The following TFDP1 variants were observed in gnomAD, a reference collection of about 807,000 sequenced individuals.
The protein encoded by TFDP1 is DRTF1-polypeptide 1.
In TFDP1, 6 loss-of-function variants were observed where a neutral mutation model predicts 48.0. The observed-to-expected ratio is 0.13, with a 90% CI of 0.07 to 0.25. The LOEUF is 0.25. Ranked by LOEUF, TFDP1 falls within the 10% of genes least tolerant of loss-of-function variation. The probability of loss-of-function intolerance (pLI) is 1.00; values close to 1 mark genes in which losing one functional copy is unlikely to be tolerated. For missense variants in TFDP1, 335 were observed against 543.0 expected (o/e 0.62, Z 3.81); for synonymous variants, 201 against 211.6 (o/e 0.95, Z 0.44).
intron 9 of TFDP1, 150 bp from the exon 10 acceptor site, chr13:113,636,384 A>T: frequency 9.8e-7 from 1 of 1,020,068 alleles, no homozygotes; most frequent in East Asian, 2.4e-5. Flanking sequence ...CATTTACTTC[A>T]GAGTTTATAA....
At chr13:113,637,564 C>A (rs2049524340) in intron 10 of TFDP1, 2 of 1,473,746 alleles carry the variant, frequency 1.4e-6, no homozygotes, top group East Asian at 5.4e-5. Context: ...ACACGTGTGC[C>A]GTTTGTAAGT....
intron 2 of TFDP1, among the ~76,000 whole-genome samples, chr13:113,600,910 A>G (rs1432391032): frequency 6.6e-6 from 1 of 151,240 alleles, no homozygotes; most frequent in African/African-American, 2.4e-5. Flanking sequence ...GTGAGAGAGA[A>G]TCCTCGCACG....
At chr13:113,631,508 C>T (rs1326884028) in intron 4 of TFDP1, 115 bp from the exon 5 acceptor site, 1 of 1,363,630 alleles carries the variant, frequency 7.3e-7, no homozygotes, top group Non-Finnish European at 9.7e-7. Flanking sequence ...GTCATGGCTG[C>T]TCACTGTGGT....
chr13:113,593,438 A>G (rs1291233159), intron 2 of TFDP1, among the ~76,000 whole-genome samples: 39 of 58,298 alleles, frequency 6.7e-4, no homozygotes, highest in South Asian at 1.2e-3. Flanking sequence ...CTGTGTGCTG[A>G]TCCTCAGCCC....
At chr13:113,597,857 T>G (rs1352457796) in intron 2 of TFDP1, among the ~76,000 whole-genome samples, 1 of 152,194 alleles carries the variant, frequency 6.6e-6, no homozygotes. Flanking sequence ...CCTCTGTCTT[T>G]GCCCCAGTGT....
chr13:113,638,664 C>T (rs1338316310), intron 11 of TFDP1, among the ~76,000 whole-genome samples: 2 of 152,144 alleles, frequency 1.3e-5, no homozygotes, highest in African/African-American at 4.8e-5. Context: ...ATTAAAGGGC[C>T]TTTATTTAAA....
chr13:113,595,221 G>T (rs1455701289), intron 2 of TFDP1, among the ~76,000 whole-genome samples: 1 of 152,212 alleles, frequency 6.6e-6, no homozygotes, highest in East Asian at 1.9e-4. Flanking sequence ...AAACAAATGT[G>T]CATCTGGTCC....
chr13:113,630,304 G>A (rs2049301579), intron 4 of TFDP1, among the ~76,000 whole-genome samples: 1 of 152,172 alleles, frequency 6.6e-6, no homozygotes, highest in Non-Finnish European at 1.5e-5. Flanking sequence ...ATCCACAGAA[G>A]GCCGCACTCT....
intron 2 of TFDP1, among the ~76,000 whole-genome samples, chr13:113,608,715 C>G (rs565118123): frequency 6.6e-6 from 1 of 152,346 alleles, no homozygotes; most frequent in African/African-American, 2.4e-5. Context: ...TCGGTCTTAC[C>G]CAGTGTGCTT....
chr13:113,634,195 T>C (rs1430243416), intron 7 of TFDP1, 162 bp downstream of exon 7: 1 of 1,021,258 alleles, frequency 9.8e-7, no homozygotes, highest in Non-Finnish European at 1.5e-6. Flanking sequence ...CAGTCTTGGC[T>C]GTCAGGGGAG....
At position 113,627,270 on chromosome 13, in the gene TFDP1, A is replaced by G. The variant is rs1372203735; in HGVS notation, c.186+3984A>G. On this transcript the variant is annotated intron_variant, in intron 4 of 11. Transcript: ENST00000375370. This position sits in a 1 kb window ranked among gnomAD's most constrained non-coding sequence, Gnocchi z 4.1. Reference sequence around the variant, plus strand: ...AAGGTCAGGGTCTTTTGAGGTGCGGATGCTTGTGAAGCCTGTGGTGCTGCA... The same window carrying G: ...AAGGTCAGGGTCTTTTGAGGTGCGGGTGCTTGTGAAGCCTGTGGTGCTGCA... Among the ~76,000 whole-genome samples the G allele has an allele frequency of 1.3e-5, 2 of 152,176 alleles. No homozygotes were observed. Among genetic ancestry groups the G allele is most frequent in the Non-Finnish European group, 2.9e-5 (2 of 68,024 alleles).
At chr13:113,637,785 A>G (rs1332303071) in intron 10 of TFDP1, 33 bp from the exon 11 acceptor site, 10 of 1,614,126 alleles carry the variant, frequency 6.2e-6, no homozygotes, top group Non-Finnish European at 6.8e-6. Flanking sequence ...TTTCTGTTTC[A>G]TGACCATTCG....
At position 113,627,423 on chromosome 13, in the gene TFDP1, G is replaced by A. The variant is rs576978855; in HGVS notation, c.186+4137G>A. 5.3e-5 allele frequency among the ~76,000 whole-genome samples: 8 copies of A among 152,306 alleles called. No homozygotes were observed. The highest frequency in any genetic ancestry group is 1.9e-4 in the African/African-American group (8 of 41,578). ...ACCCAGGCCTGTGTCCCAGAAGTCG[G>A]CATCTGTGGTCGCAGTGGCCTTTCC... On this transcript the variant is annotated intron_variant, in intron 4 of 11. Coordinates refer to ENST00000375370, the MANE Select transcript of TFDP1 (RefSeq NM_007111.5). This position sits in a 1 kb window ranked among gnomAD's most constrained non-coding sequence, Gnocchi z 4.1.
At chr13:113,586,256 G>A (rs1171477765) in intron 2 of TFDP1, 32 of 161,152 alleles carry the variant, frequency 2.0e-4, no homozygotes, top group Non-Finnish European at 1.3e-5. Flanking sequence ...CAGGGCTCAG[G>A]CTGTAGCCAC....
chr13:113,634,218 GC>G, intron 7 of TFDP1, 185 bp downstream of exon 7: 1 of 829,294 alleles, frequency 1.2e-6, no homozygotes, highest in Non-Finnish European at 2.0e-6. Context: ...AGCATGGTTG[GC>G]CCAGACCCAC....
chr13:113,615,258 C>A (rs941628144), intron 3 of TFDP1, among the ~76,000 whole-genome samples: 1 of 152,238 alleles, frequency 6.6e-6, no homozygotes, highest in Non-Finnish European at 1.5e-5. Context: ...GTGTGTCTGG[C>A]AGTTCCACTT....
At chr13:113,606,000 TC>T (rs2048558464) in intron 2 of TFDP1, among the ~76,000 whole-genome samples, 1 of 142,632 alleles carries the variant, frequency 7.0e-6, no homozygotes, top group African/African-American at 2.7e-5. Context: ...GTGGTGAGTG[TC>T]CGCAGGGGAT....
chr13:113,631,052 T>G (rs1028009977), intron 4 of TFDP1, among the ~76,000 whole-genome samples: 1 of 152,228 alleles, frequency 6.6e-6, no homozygotes, highest in Non-Finnish European at 1.5e-5. Flanking sequence ...GGGCACAGGG[T>G]TACCAGGTGA....
At chr13:113,628,053 A>G (rs1418119157) in intron 4 of TFDP1, among the ~76,000 whole-genome samples, 3 of 152,202 alleles carry the variant, frequency 2.0e-5, no homozygotes, top group Non-Finnish European at 4.4e-5. Context: ...GGAAGCTGCA[A>G]AAGCTTTAGA....
Sources: allele counts gnomAD v4.1 joint callset (sites outside exome capture counted in the v4.1 genomes callset), GRCh38; gene constraint gnomAD v4.1.1; non-coding constraint Gnocchi (gnomAD v3.1); transcripts MANE v1.5; gene names NCBI Gene and HGNC (gene_info 2026-07-23, HGNC 2026-07-21).